LIN7A: variants seen among roughly 807,000 people sequenced by gnomAD.
The protein encoded by LIN7A is lin-7 cell polarity scaffold A, also known as protein lin-7 homolog A.
LIN7A carries 25 observed loss-of-function variants against 29.8 expected under a neutral mutation model. The observed-to-expected ratio is 0.84, with a 90% CI of 0.61 to 1.17. LIN7A has a LOEUF of 1.17. Ranked by LOEUF, LIN7A falls within the 50% of genes most tolerant of loss-of-function variation. The pLI, the probability that LIN7A is intolerant of heterozygous loss-of-function variation, is 0.00. For missense variants in LIN7A, 239 were observed against 287.0 expected, an observed-to-expected ratio of 0.83 and a Z score of 1.21; for synonymous variants, 118 against 107.5, an observed-to-expected ratio of 1.10 and a Z score of -0.60.
chr12:80,884,903 C>A (rs1875248607), intron 2 of LIN7A, among the ~76,000 whole-genome samples: 1 of 152,114 alleles, frequency 6.6e-6, no homozygotes, highest in African/African-American at 2.4e-5. Flanking sequence ...CCACTGTTAG[C>A]AGCACATCAT....
intron 1 of LIN7A, among the ~76,000 whole-genome samples, chr12:80,904,461 T>C (rs546965145): frequency 4.6e-5 from 7 of 152,182 alleles, no homozygotes; most frequent in Admixed American, 4.6e-4. Flanking sequence ...AGCCCCCACC[T>C]TCTAGTAACT....
chr12:80,815,933 A>G (rs913439572), intron 4 of LIN7A, among the ~76,000 whole-genome samples: 1 of 152,172 alleles, frequency 6.6e-6, no homozygotes, highest in Non-Finnish European at 1.5e-5. Context: ...ACCAAAGAGA[A>G]GTATAGCCTA....
intron 2 of LIN7A, among the ~76,000 whole-genome samples, chr12:80,857,121 T>C (rs1452279193): frequency 1.3e-5 from 2 of 152,168 alleles, no homozygotes; most frequent in Non-Finnish European, 2.9e-5. Flanking sequence ...TCTGCATCCA[T>C]GTCACGAGAA....
intron 2 of LIN7A, among the ~76,000 whole-genome samples, chr12:80,863,966 C>T (rs1565906342): frequency 6.6e-6 from 1 of 151,930 alleles, no homozygotes; most frequent in Non-Finnish European, 1.5e-5. Flanking sequence ...TTTACTCAAC[C>T]CTCAAAATGT....
intron 2 of LIN7A, among the ~76,000 whole-genome samples, chr12:80,862,871 G>C (rs888545965): frequency 6.6e-6 from 1 of 152,320 alleles, no homozygotes; most frequent in Admixed American, 6.5e-5. Context: ...TACAGAAAAA[G>C]AAGGTACAGA....
chr12:80,850,782 G>T (rs1344256933), intron 2 of LIN7A, among the ~76,000 whole-genome samples: 1 of 152,168 alleles, frequency 6.6e-6, no homozygotes, highest in Non-Finnish European at 1.5e-5. Flanking sequence ...AACAGACTTG[G>T]ATAGCACTGA....
intron 4 of LIN7A, among the ~76,000 whole-genome samples, chr12:80,831,826 G>A (rs1412956144): frequency 2.6e-5 from 4 of 152,170 alleles, no homozygotes; most frequent in Non-Finnish European, 5.9e-5. Flanking sequence ...ATTTAAAGTT[G>A]CTCTTACATT....
chr12:80,890,138 T>C (rs1473531758), intron 1 of LIN7A, among the ~76,000 whole-genome samples: 2 of 152,200 alleles, frequency 1.3e-5, no homozygotes, highest in South Asian at 2.1e-4. Flanking sequence ...CAAAGGTTAA[T>C]GTATCAAGAA....
At chr12:80,857,189 A>G (rs965838669) in intron 2 of LIN7A, among the ~76,000 whole-genome samples, 4 of 152,094 alleles carry the variant, frequency 2.6e-5, no homozygotes, top group African/African-American at 9.7e-5. Flanking sequence ...TTTATATTCC[A>G]CCTTCTAGGC....
intron 1 of LIN7A, among the ~76,000 whole-genome samples, chr12:80,909,412 C>T (rs1442365783): frequency 6.6e-6 from 1 of 152,180 alleles, no homozygotes; most frequent in Non-Finnish European, 1.5e-5. Context: ...TGAACCTTCT[C>T]TGTCTTAGTC....
At chr12:80,841,255 C>T (rs563689548) in intron 4 of LIN7A, among the ~76,000 whole-genome samples, 115 of 150,992 alleles carry the variant, frequency 7.6e-4, no homozygotes, top group Admixed American at 1.7e-3. Flanking sequence ...CATACCACTG[C>T]ACTCCAGCCT....
chr12:80,798,404 C>T (rs1441832261), intron 5 of LIN7A, among the ~76,000 whole-genome samples: 3 of 152,090 alleles, frequency 2.0e-5, no homozygotes, highest in Non-Finnish European at 4.4e-5. Context: ...CAGATTTTAA[C>T]AAAATTGTTC....
chr12:80,794,275 G>C lies in LIN7A; in HGVS notation c.*3452C>G, dbSNP rs1276967958. The stretch of plus-strand genomic sequence containing the variant: ...AGGCAGTCACAGCCCTTTCTCTATA[G>C]TTTTCCAGCTAGAGAGGGATGAGAT... On this transcript the variant is annotated 3_prime_UTR_variant, in exon 6 of 6. Transcript: ENST00000552864. 1 of 152,112 alleles carries C rather than the reference G, an allele frequency of 6.6e-6. No individual in the cohort carries two copies. The highest frequency in any genetic ancestry group is 1.5e-5 in the Non-Finnish European group (1 of 68,002). The allele number at this position is 152,112 out of a possible 1,614,324, so 9.4% of individuals were successfully genotyped here. A position where few individuals can be genotyped will look rare whatever the true frequency, so the allele number is the denominator to read the frequency against.
chr12:80,832,192 A>T (rs777703305), intron 4 of LIN7A, among the ~76,000 whole-genome samples: 2 of 152,226 alleles, frequency 1.3e-5, no homozygotes, highest in Non-Finnish European at 2.9e-5. Flanking sequence ...TAGTGCATCC[A>T]TTTCTACTTA....
chr12:80,830,859 C>T (rs1421045807), intron 4 of LIN7A, among the ~76,000 whole-genome samples: 1 of 152,076 alleles, frequency 6.6e-6, no homozygotes, highest in African/African-American at 2.4e-5. Flanking sequence ...TGGCTCACTC[C>T]CTTATCTCCT....
intron 4 of LIN7A, among the ~76,000 whole-genome samples, chr12:80,832,907 G>T (rs571629284): frequency 6.6e-6 from 1 of 152,170 alleles, no homozygotes; most frequent in African/African-American, 2.4e-5. Context: ...GACATTTTTT[G>T]TTGTGGTGAC....
At chr12:80,836,796 GTA>G (rs1872605868) in intron 4 of LIN7A, among the ~76,000 whole-genome samples, 1 of 152,050 alleles carries the variant, frequency 6.6e-6, no homozygotes, top group Non-Finnish European at 1.5e-5. Context: ...ATATTCTGAA[GTA>G]TTAATTCGTG....
intron 1 of LIN7A, among the ~76,000 whole-genome samples, chr12:80,916,799 C>T (rs1019441498): frequency 6.9e-6 from 1 of 144,838 alleles, no homozygotes; most frequent in Non-Finnish European, 1.5e-5. Flanking sequence ...GACAAGTAGA[C>T]ATTTGCCAGA....
At chr12:80,933,137 G>C (rs1349529897) in intron 1 of LIN7A, among the ~76,000 whole-genome samples, 1 of 152,092 alleles carries the variant, frequency 6.6e-6, no homozygotes, top group African/African-American at 2.4e-5. Context: ...TATGCATAGT[G>C]ACATGTAAAT....
Sources: allele counts gnomAD v4.1 joint callset (sites outside exome capture counted in the v4.1 genomes callset), GRCh38; gene constraint gnomAD v4.1.1; transcripts MANE v1.5; gene names NCBI Gene and HGNC (gene_info 2026-07-23, HGNC 2026-07-21).